LRRC4C: variants seen among roughly 807,000 people sequenced by gnomAD.
The protein encoded by LRRC4C is leucine-rich repeat-containing protein 4C.
Under a neutral mutation model 33.6 loss-of-function variants are expected in LRRC4C, and 5 were observed. That is an observed-to-expected ratio of 0.15 (90% CI 0.08 to 0.31). The LOEUF (loss-of-function observed/expected upper bound fraction) is 0.31. Ranked by LOEUF, LRRC4C falls within the 10% of genes least tolerant of loss-of-function variation. The pLI, the probability that LRRC4C is intolerant of heterozygous loss-of-function variation, is 1.00. For missense variants in LRRC4C, 560 were observed against 796.7 expected (o/e 0.70, Z 3.58); for synonymous variants, 329 against 302.0 (o/e 1.09, Z -0.93).
chr11:40,553,850 G>A (rs1233908439), intron 3 of LRRC4C, among the ~76,000 whole-genome samples: 2 of 152,036 alleles, frequency 1.3e-5, no homozygotes, highest in African/African-American at 4.8e-5. Flanking sequence ...GTCCTTTGTT[G>A]GATGCATAGT....
intron 3 of LRRC4C, among the ~76,000 whole-genome samples, chr11:40,611,137 A>G (rs1344291260): frequency 6.6e-6 from 1 of 151,938 alleles, no homozygotes. Context: ...TTACAAAGGT[A>G]TGGTAATTAA....
intron 1 of LRRC4C, among the ~76,000 whole-genome samples, chr11:41,452,531 A>G (rs2138656536): frequency 6.6e-6 from 1 of 152,228 alleles, no homozygotes; most frequent in African/African-American, 2.4e-5. Context: ...TCTCTTTTTC[A>G]AGAAAGCTTT....
At chr11:41,363,512 A>AATG (rs747771201) in intron 1 of LRRC4C, among the ~76,000 whole-genome samples, 7 of 152,188 alleles carry the variant, frequency 4.6e-5, no homozygotes, top group Non-Finnish European at 8.8e-5. Flanking sequence ...TCTCAGGACT[A>AATG]ATGACCTTAA....
At chr11:40,868,339 G>C (rs1954471770) in intron 2 of LRRC4C, among the ~76,000 whole-genome samples, 1 of 152,136 alleles carries the variant, frequency 6.6e-6, no homozygotes, top group Non-Finnish European at 1.5e-5. Context: ...ATTTCACTAT[G>C]ACCAAGTTGG....
intron 3 of LRRC4C, among the ~76,000 whole-genome samples, chr11:40,426,805 G>C (rs578191958): frequency 9.2e-5 from 14 of 152,254 alleles, no homozygotes; most frequent in Non-Finnish European, 1.6e-4. Context: ...CACATATAAG[G>C]AATGTTTTAA....
intron 2 of LRRC4C, among the ~76,000 whole-genome samples, chr11:40,900,520 T>C (rs980630720): frequency 6.6e-6 from 1 of 152,092 alleles, no homozygotes; most frequent in Non-Finnish European, 1.5e-5. Context: ...AGATGGATGA[T>C]AGCTATGTTA....
At chr11:40,213,605 A>G (rs1001832336) in intron 5 of LRRC4C, among the ~76,000 whole-genome samples, 2 of 152,198 alleles carry the variant, frequency 1.3e-5, no homozygotes, top group Admixed American at 6.5e-5. Context: ...CTGTCATAAA[A>G]TCAGAATGGT....
At chr11:40,421,957 G>A (rs1013337082) in intron 3 of LRRC4C, among the ~76,000 whole-genome samples, 3 of 152,230 alleles carry the variant, frequency 2.0e-5, no homozygotes, top group Non-Finnish European at 4.4e-5. Context: ...TTGCGGAGTT[G>A]AAACCGTGTT....
At chr11:41,406,162 G>A (rs1473519765) in intron 1 of LRRC4C, among the ~76,000 whole-genome samples, 2 of 152,208 alleles carry the variant, frequency 1.3e-5, no homozygotes, top group East Asian at 3.9e-4. Context: ...CCTATGTGAG[G>A]ATATCCTGAT....
chr11:40,118,547 G>T lies in LRRC4C; in HGVS notation c.-42-2213C>A, dbSNP rs149502247. ...TAATCTATGCCGGAAAACCAAGGAG[G>T]TTTCAAAGAAGATGGATATCTGATC... On this transcript the variant is annotated intron_variant, in intron 6 of 6. Transcript: ENST00000528697. Among the ~76,000 whole-genome samples the T allele has an allele frequency of 2.6e-4, 39 of 152,248 alleles. 1 individual carries two copies. In the East Asian group the frequency reaches 6.2e-3, roughly 24 times the overall value.
Position 40,329,935 on chromosome 11 carries a change from G to T in LRRC4C, c.-269-10214C>A, listed in dbSNP as rs184685970. Among the ~76,000 whole-genome samples the T allele has an allele frequency of 3.0e-3, 460 of 151,968 alleles. 3 individuals are homozygous for T. Among genetic ancestry groups the T allele is most frequent in the African/African-American group, 0.011 (436 of 41,462 alleles). On this transcript the variant is annotated intron_variant, in intron 3 of 6. Coordinates refer to ENST00000528697, the MANE Select transcript of LRRC4C (RefSeq NM_001258419.2). ...TTTTTGTATTTTTGGTAGAGATGGG[G>T]TTTCACTGTGTTAGCCAGGATGGTC...
chr11:40,429,835 A>G (rs940279131), intron 3 of LRRC4C, among the ~76,000 whole-genome samples: 3 of 152,216 alleles, frequency 2.0e-5, no homozygotes, highest in African/African-American at 4.8e-5. Context: ...TTCTTTGATT[A>G]GTGATGTGCA....
At chr11:40,983,678 C>A (rs1447781092) in intron 1 of LRRC4C, among the ~76,000 whole-genome samples, 3 of 151,916 alleles carry the variant, frequency 2.0e-5, no homozygotes, top group Non-Finnish European at 4.4e-5. Context: ...AAAAAGTGGG[C>A]AAAAGACATG....
intron 5 of LRRC4C, among the ~76,000 whole-genome samples, chr11:40,189,565 G>A (rs749477331): frequency 6.6e-6 from 1 of 152,142 alleles, no homozygotes; most frequent in Non-Finnish European, 1.5e-5. Context: ...AATTAGCAAC[G>A]GGCTTGGCAC....
intron 3 of LRRC4C, among the ~76,000 whole-genome samples, chr11:40,322,358 G>C (rs1213943313): frequency 6.6e-6 from 1 of 152,072 alleles, no homozygotes; most frequent in African/African-American, 2.4e-5. Context: ...GGATCCTCCT[G>C]CCTCAGCCTC....
chr11:40,642,359 G>T (rs1942175669), intron 3 of LRRC4C, among the ~76,000 whole-genome samples: 1 of 152,100 alleles, frequency 6.6e-6, no homozygotes, highest in Admixed American at 6.6e-5. Context: ...AAATGTTAAA[G>T]AATTCCTTTT....
At chr11:40,779,309 T>G (rs930161422) in intron 2 of LRRC4C, among the ~76,000 whole-genome samples, 2 of 152,186 alleles carry the variant, frequency 1.3e-5, no homozygotes, top group African/African-American at 2.4e-5. Flanking sequence ...CATATCTGAA[T>G]GCCAAAGCAA....
intron 5 of LRRC4C, among the ~76,000 whole-genome samples, chr11:40,186,684 G>A (rs568471873): frequency 7.2e-5 from 11 of 152,118 alleles, no homozygotes; most frequent in African/African-American, 1.9e-4. Context: ...CTAGGCTGTC[G>A]GGCTCAGCAT....
intron 1 of LRRC4C, among the ~76,000 whole-genome samples, chr11:41,369,855 T>C (rs1374184209): frequency 3.9e-5 from 6 of 152,184 alleles, no homozygotes; most frequent in Non-Finnish European, 7.3e-5. Context: ...ATGTGCAGGA[T>C]GGATTTGCAT....
Sources: allele counts gnomAD v4.1 joint callset (sites outside exome capture counted in the v4.1 genomes callset), GRCh38; gene constraint gnomAD v4.1.1; transcripts MANE v1.5; gene names NCBI Gene and HGNC (gene_info 2026-07-23, HGNC 2026-07-21).